The following ADAP2 variants were observed in gnomAD, a reference collection of about 807,000 sequenced individuals.
The protein encoded by ADAP2 is ArfGAP with dual PH domains 2.
Under a neutral mutation model 54.9 loss-of-function variants are expected in ADAP2, and 42 were observed. That is an observed-to-expected ratio of 0.77 (90% CI 0.60 to 0.99). The LOEUF (loss-of-function observed/expected upper bound fraction) is 0.99, where lower values mean the gene tolerates loss of function less well. Ranked by LOEUF, ADAP2 falls within the 50% of genes least tolerant of loss-of-function variation. The probability of loss-of-function intolerance (pLI) is 0.00; values close to 1 mark genes in which losing one functional copy is unlikely to be tolerated. For missense variants in ADAP2, 429 were observed against 480.4 expected (o/e 0.89, Z 1.00); for synonymous variants, 177 against 180.1 (o/e 0.98, Z 0.14).
chr17:30,941,151 T>C (rs770472373), intron 5 of ADAP2, among the ~76,000 whole-genome samples: 28 of 152,206 alleles, frequency 1.8e-4, no homozygotes, highest in Non-Finnish European at 3.8e-4. Flanking sequence ...TTGGTACCCA[T>C]TGAGTGGAAA....
intron 2 of ADAP2, among the ~76,000 whole-genome samples, chr17:30,924,022 G>A (rs1239088002): frequency 6.6e-6 from 1 of 152,058 alleles, no homozygotes; most frequent in Non-Finnish European, 1.5e-5. Context: ...CAATGTCACA[G>A]CACTGTTGTG....
chr17:30,944,436 T>C lies in ADAP2; in HGVS notation c.511-471T>C, dbSNP rs143403481. 4.0e-3 allele frequency among the ~76,000 whole-genome samples: 614 copies of C among 152,062 alleles called. 3 individuals carry two copies. The highest frequency in any genetic ancestry group is 0.014 in the African/African-American group (577 of 41,536). On this transcript the variant is annotated intron_variant, in intron 5 of 10. Coordinates refer to ENST00000330889, the MANE Select transcript of ADAP2 (RefSeq NM_018404.3). ...TGGATCACCTGAGGTCAGGAGTTCA[T>C]GAGCAGCCTGGCCAACATAGCGAAA...
chr17:30,937,842 G>A (rs949569348), intron 5 of ADAP2, among the ~76,000 whole-genome samples: 1 of 152,148 alleles, frequency 6.6e-6, no homozygotes, highest in African/African-American at 2.4e-5. Context: ...GACCCCTAAG[G>A]GGATGCTCAA....
intron 5 of ADAP2, among the ~76,000 whole-genome samples, chr17:30,935,265 G>C (rs1353913944): frequency 6.6e-6 from 1 of 152,194 alleles, no homozygotes; most frequent in East Asian, 1.9e-4. Context: ...CTACTCGGGA[G>C]ACTGAGGCAG....
At chr17:30,927,671 G>C (rs1338869517) in intron 3 of ADAP2, among the ~76,000 whole-genome samples, 1 of 151,534 alleles carries the variant, frequency 6.6e-6, no homozygotes, top group African/African-American at 2.4e-5. Context: ...ACCTAAGCTC[G>C]GGCTGGCTCT....
chr17:30,957,879 T>G lies in ADAP2; in HGVS notation c.*10T>G, dbSNP rs763984010. 3.7e-4 allele frequency: 590 copies of G among 1,612,172 alleles called. 1 individual carries two copies. Among genetic ancestry groups the G allele is most frequent in the Non-Finnish European group, 4.5e-4 (530 of 1,179,230 alleles). On this transcript the variant is annotated 3_prime_UTR_variant, in exon 11 of 11. Transcript: ENST00000330889. ...CCGCAGCAGCAGGTGACCCATTAAC[T>G]GAGGAACTGGCTGCCACTGAACACC...
At chr17:30,923,374 C>T (rs1358519606) in intron 2 of ADAP2, among the ~76,000 whole-genome samples, 2 of 151,496 alleles carry the variant, frequency 1.3e-5, no homozygotes, top group East Asian at 3.9e-4. Flanking sequence ...AAGTAATTCT[C>T]CTGCCTCAGC....
chr17:30,926,824 C>T lies in ADAP2; in HGVS notation c.226-3C>T, dbSNP rs762317057. 3.1e-6 allele frequency: 5 copies of T among 1,613,858 alleles called. No homozygotes were observed. Among genetic ancestry groups the T allele is most frequent in the Non-Finnish European group, 3.4e-6 (4 of 1,179,792 alleles). ...ATTACCTCAGGTTGCTGTTGTCTTGCAGTTTATGATCCACAATGGAAACCT... is the reference window on the plus strand; with the variant it reads ...ATTACCTCAGGTTGCTGTTGTCTTGTAGTTTATGATCCACAATGGAAACCT... On this transcript the variant is annotated splice_region_variant and splice_polypyrimidine_tract_variant and intron_variant, in intron 2 of 10. Transcript: ENST00000330889.
intron 3 of ADAP2, among the ~76,000 whole-genome samples, chr17:30,927,457 C>CA (rs1181998861): frequency 1.3e-5 from 2 of 151,250 alleles, no homozygotes; most frequent in Non-Finnish European, 2.9e-5. Context: ...ACTAAAAATA[C>CA]AAAAAAAATT....
At chr17:30,949,061 G>C (rs935920385) in intron 6 of ADAP2, among the ~76,000 whole-genome samples, 1 of 152,188 alleles carries the variant, frequency 6.6e-6, no homozygotes, top group Non-Finnish European at 1.5e-5. Context: ...CCTTTTCCAG[G>C]GCTCTGGGGT....
chr17:30,943,718 G>C (rs537057427), intron 5 of ADAP2, among the ~76,000 whole-genome samples: 1 of 151,920 alleles, frequency 6.6e-6, no homozygotes, highest in South Asian at 2.1e-4. Flanking sequence ...ATGGCGGCAC[G>C]TGTCTGTAAT....
intron 7 of ADAP2, among the ~76,000 whole-genome samples, chr17:30,950,295 G>C (rs1904534252): frequency 6.6e-6 from 1 of 152,132 alleles, no homozygotes; most frequent in Non-Finnish European, 1.5e-5. Flanking sequence ...AGACTTCTGG[G>C]GCCTTCATCT....
chr17:30,954,706 T>G, intron 9 of ADAP2, 151 bp downstream of exon 9: 1 of 631,880 alleles, frequency 1.6e-6, no homozygotes, highest in Non-Finnish European at 2.8e-6. Flanking sequence ...CCCTTGTTTT[T>G]GTTTCTCTTG....
At chr17:30,934,027 G>A (rs1041832319) in intron 4 of ADAP2, among the ~76,000 whole-genome samples, 158 bp from the exon 5 acceptor site, 11 of 152,200 alleles carry the variant, frequency 7.2e-5, no homozygotes, top group African/African-American at 2.4e-4. Flanking sequence ...CCACAGATGG[G>A]ATCCTTGTGT....
At chr17:30,923,264 CTTTTTTTTTT>C (rs375853030) in intron 2 of ADAP2, among the ~76,000 whole-genome samples, 194 bp downstream of exon 2, 1 of 135,112 alleles carries the variant, frequency 7.4e-6, no homozygotes, top group Non-Finnish European at 1.6e-5. Flanking sequence ...CATTTGCTTA[CTTTTTTTTTT>C]TTTTTTTTGA....
At chr17:30,948,570 T>TA (rs946411679) in intron 6 of ADAP2, among the ~76,000 whole-genome samples, 3 of 150,792 alleles carry the variant, frequency 2.0e-5, no homozygotes, top group East Asian at 1.9e-4. Flanking sequence ...AGACTCCATC[T>TA]AAAAAAAAAT....
Position 30,953,258 on chromosome 17 carries a change from T to TG in ADAP2, c.742-25dup, listed in dbSNP as rs754492353. 6 of 1,613,254 alleles carry TG rather than the reference T, an allele frequency of 3.7e-6. No homozygotes were observed. The East Asian group carries it at 1.3e-4, about 36-fold the overall frequency. On this transcript the variant is annotated intron_variant, in intron 7 of 10. Coordinates refer to ENST00000330889, the MANE Select transcript of ADAP2 (RefSeq NM_018404.3). Reference sequence around the variant, plus strand: ...GAACCTGGAGCCTTGGGGTGTGAGTTGGGGGTCAGTGTCTGTCTCTCTTCC... The same window carrying TG: ...GAACCTGGAGCCTTGGGGTGTGAGTTGGGGGGTCAGTGTCTGTCTCTCTTCC...
At chr17:30,927,579 C>T (rs530428008) in intron 3 of ADAP2, among the ~76,000 whole-genome samples, 3 of 149,912 alleles carry the variant, frequency 2.0e-5, no homozygotes, top group East Asian at 2.0e-4. Flanking sequence ...GGCGCCACTG[C>T]ACTCCAGCCT....
Position 30,954,535 on chromosome 17 carries a change from C to A in ADAP2, c.862C>A (p.Leu288Ile). 2 of 1,614,070 alleles carry A rather than the reference C, an allele frequency of 1.2e-6. No individual in the cohort carries two copies. Among genetic ancestry groups the A allele is most frequent in the Non-Finnish European group, 1.7e-6 (2 of 1,179,968 alleles). ...FALDCHERRL[L>I]YYKNPLDAFE... The stretch of plus-strand genomic sequence containing the variant: ...CCTGGATTGCCATGAGCGGAGGCTG[C>A]TCTATTACAAGAACCCACTGGTAAG... The change falls in exon 9 of 11, where the codon CTC becomes ATC. Residue 288 changes from leucine (L) to isoleucine (I), a missense_variant. Transcript: ENST00000330889.
Sources: allele counts gnomAD v4.1 joint callset (sites outside exome capture counted in the v4.1 genomes callset), GRCh38; gene constraint gnomAD v4.1.1; transcripts MANE v1.5; gene names NCBI Gene and HGNC (gene_info 2026-07-23, HGNC 2026-07-21).